MAGI2: variants seen among roughly 807,000 people sequenced by gnomAD.
MAGI2 encodes membrane-associated guanylate kinase, WW and PDZ domain-containing protein 2.
A neutral mutation model predicts 133.3 loss-of-function variants in MAGI2; 35 were observed. The ratio of observed to expected loss-of-function variants is 0.26; its 90% confidence interval spans 0.20 to 0.35. The LOEUF (loss-of-function observed/expected upper bound fraction) is 0.35, where lower values mean the gene tolerates loss of function less well. MAGI2 is among the 10% of genes least tolerant of loss of function. The pLI is 1.00. For synonymous variants in MAGI2, 729 were observed against 710.6 expected (o/e 1.03, Z -0.41); for missense variants, 1,636 against 1,863.4 (o/e 0.88, Z 2.25).
chr7:79,120,844 C>T (rs201217107), intron 1 of MAGI2, among the ~76,000 whole-genome samples: 3 of 151,906 alleles, frequency 2.0e-5, no homozygotes, highest in African/African-American at 7.2e-5. Context: ...GTATAAAAAC[C>T]GAAACTACTT....
Position 79,282,913 on chromosome 7 carries a change from T to C in MAGI2, c.301+170107A>G, listed in dbSNP as rs189758777. Among the ~76,000 whole-genome samples the C allele has an allele frequency of 1.0e-3, 132 of 128,186 alleles. 1 individual carries two copies. Among genetic ancestry groups the C allele is most frequent in the African/African-American group, 3.2e-3 (120 of 37,502 alleles). The allele number at this position is 128,186 out of a possible 152,430, so 84.1% of individuals were successfully genotyped here. A position where few individuals can be genotyped will look rare whatever the true frequency, so the allele number is the denominator to read the frequency against. On this transcript the variant is annotated intron_variant, in intron 1 of 21. Transcript: ENST00000354212. Reference sequence around the variant, plus strand: ...GTTAATTTTTTGATATATAACACTTTACAAATGTAGATCTAAAGCTGGGAA... The same window carrying C: ...GTTAATTTTTTGATATATAACACTTCACAAATGTAGATCTAAAGCTGGGAA...
chr7:78,823,900 G>A (rs1790385991), intron 2 of MAGI2, among the ~76,000 whole-genome samples: 1 of 143,874 alleles, frequency 7.0e-6, no homozygotes, highest in Non-Finnish European at 1.5e-5. Flanking sequence ...TCTTCTCTTG[G>A]ATTTCACATC....
At chr7:78,549,506 A>G (rs1799156357) in intron 3 of MAGI2, among the ~76,000 whole-genome samples, 1 of 152,056 alleles carries the variant, frequency 6.6e-6, no homozygotes, top group Admixed American at 6.6e-5. Flanking sequence ...CTTCAGGATC[A>G]CCTACTATAA....
intron 8 of MAGI2, among the ~76,000 whole-genome samples, chr7:78,344,579 T>C (rs536396872): frequency 6.6e-6 from 1 of 152,336 alleles, no homozygotes; most frequent in South Asian, 2.1e-4. Context: ...GACTTTTGTT[T>C]ACACTGCTCT....
At chr7:79,131,051 A>T (rs1820899493) in intron 1 of MAGI2, among the ~76,000 whole-genome samples, 1 of 152,150 alleles carries the variant, frequency 6.6e-6, no homozygotes, top group South Asian at 2.1e-4. Flanking sequence ...GTGTTAAGTG[A>T]TCATTTAGCT....
intron 2 of MAGI2, among the ~76,000 whole-genome samples, chr7:78,907,016 G>T (rs566847074): frequency 6.6e-6 from 1 of 152,166 alleles, no homozygotes; most frequent in African/African-American, 2.4e-5. Context: ...ACTAGACAAT[G>T]GGTGTATGCA....
rs541613991 is a variant in MAGI2, at chr7:78,856,561, T to C, written c.418+150529A>G. ...AGGTTTGTCAAATATCAGATGGTTGTAGATGTGTGGTATTATTTCCGAGGG... is the reference window on the plus strand; with the variant it reads ...AGGTTTGTCAAATATCAGATGGTTGCAGATGTGTGGTATTATTTCCGAGGG... On this transcript the variant is annotated intron_variant, in intron 2 of 21. Coordinates refer to ENST00000354212, the MANE Select transcript of MAGI2 (RefSeq NM_012301.4). 3.9e-5 allele frequency among the ~76,000 whole-genome samples: 6 copies of C among 152,302 alleles called. No homozygotes were observed. In the South Asian group the frequency reaches 1.2e-3, roughly 32 times the overall value.
chr7:79,190,088 A>G (rs1562977541), intron 1 of MAGI2, among the ~76,000 whole-genome samples: 1 of 151,850 alleles, frequency 6.6e-6, no homozygotes, highest in Non-Finnish European at 1.5e-5. Flanking sequence ...TTATATAAAC[A>G]TTTGTGCACA....
intron 1 of MAGI2, among the ~76,000 whole-genome samples, chr7:79,208,328 A>G (rs1043271586): frequency 3.3e-5 from 5 of 151,942 alleles, no homozygotes; most frequent in African/African-American, 1.2e-4. Context: ...TACTCAAACA[A>G]CTCAACAGCA....
chr7:78,378,450 A>G (rs1363953520), intron 6 of MAGI2, among the ~76,000 whole-genome samples: 1 of 152,066 alleles, frequency 6.6e-6, no homozygotes, highest in Non-Finnish European at 1.5e-5. Context: ...AATACATACC[A>G]GTAAGACATT....
intron 11 of MAGI2, among the ~76,000 whole-genome samples, chr7:78,199,440 C>T (rs920450560): frequency 6.6e-6 from 1 of 152,190 alleles, no homozygotes; most frequent in Non-Finnish European, 1.5e-5. Context: ...CATGGATTAA[C>T]TCATAGAATT....
chr7:78,893,818 T>G (rs945392690), intron 2 of MAGI2, among the ~76,000 whole-genome samples: 2 of 152,268 alleles, frequency 1.3e-5, no homozygotes, highest in Admixed American at 6.5e-5. Context: ...ATGGCGCATA[T>G]ATACATATGT....
chr7:78,566,992 G>A (rs1248453449), intron 3 of MAGI2, among the ~76,000 whole-genome samples: 3 of 151,996 alleles, frequency 2.0e-5, no homozygotes, highest in Non-Finnish European at 4.4e-5. Context: ...ACAATATGAG[G>A]TTTTAAAGTT....
intron 2 of MAGI2, among the ~76,000 whole-genome samples, chr7:78,903,452 C>T (rs1584342068): frequency 1.3e-5 from 2 of 152,114 alleles, no homozygotes; most frequent in African/African-American, 4.8e-5. Flanking sequence ...GCCTCGGCCT[C>T]CCAAAGTGCT....
At chr7:78,889,568 A>G (rs1796565546) in intron 2 of MAGI2, among the ~76,000 whole-genome samples, 2 of 152,246 alleles carry the variant, frequency 1.3e-5, no homozygotes, top group Non-Finnish European at 1.5e-5. Context: ...AGTGGGGACC[A>G]ATATTTAACA....
chr7:78,302,073 C>A (rs1346996804), intron 9 of MAGI2, among the ~76,000 whole-genome samples: 1 of 152,170 alleles, frequency 6.6e-6, no homozygotes, highest in Admixed American at 6.6e-5. Context: ...TAAACCCCAT[C>A]AGGGAGAACA....
intron 15 of MAGI2, among the ~76,000 whole-genome samples, chr7:78,167,416 A>C (rs1825722062): frequency 6.6e-6 from 1 of 152,224 alleles, no homozygotes. Flanking sequence ...TTGGAACTAT[A>C]TGAACTGTGT....
At position 78,500,710 on chromosome 7, in the gene MAGI2, A is replaced by G. The variant is rs77729598; in HGVS notation, c.965+867T>C. ...CATAAAAATTGTAAGCAACTAATAT[A>G]ATGGAATATAGTAAAAGGGAGCATA... On this transcript the variant is annotated intron_variant, in intron 5 of 21. Coordinates refer to ENST00000354212, the MANE Select transcript of MAGI2 (RefSeq NM_012301.4). Among the ~76,000 whole-genome samples the G allele has an allele frequency of 2.1e-3, 315 of 152,340 alleles. 7 individuals carry two copies. In the East Asian group the frequency reaches 0.051, roughly 25 times the overall value.
At chr7:79,134,700 C>T (rs1821220091) in intron 1 of MAGI2, among the ~76,000 whole-genome samples, 1 of 152,090 alleles carries the variant, frequency 6.6e-6, no homozygotes, top group Non-Finnish European at 1.5e-5. Flanking sequence ...AATTGCTTTG[C>T]AATCATCAAT....
Sources: gnomAD v4.1 joint callset for allele counts (sites outside exome capture counted in the v4.1 genomes callset) on GRCh38, gnomAD v4.1.1 for gene constraint, MANE v1.5 for transcripts, NCBI Gene and HGNC (gene_info 2026-07-23, HGNC 2026-07-21) for gene names.